MINDY2: variants seen among roughly 807,000 people sequenced by gnomAD.
MINDY2 encodes the protein MINDY lysine 48 deubiquitinase 2.
MINDY2 carries 52 observed loss-of-function variants against 68.2 expected under a neutral mutation model. The observed-to-expected ratio is 0.76, with a 90% confidence interval of 0.61 to 0.96. MINDY2 has a LOEUF of 0.96. Among genes scored for constraint, MINDY2 ranks in the 40% least tolerant of loss-of-function variants. The pLI is 0.00. For synonymous variants in MINDY2, 372 were observed against 303.0 expected (o/e 1.23, Z -2.36); for missense variants, 881 against 773.4 (o/e 1.14, Z -1.65).
rs1347712736 is a variant in MINDY2 at position 58,854,574 on chromosome 15, A to G, written c.1830A>G (p.Glu610=). Residue 610 remains glutamate, a synonymous_variant, in exon 9 of 9, where the codon GAA becomes GAG. Transcript: ENST00000559228. ...KRKEPREKDK[E]KEKEKNSCVI... ...AGGAACCACGAGAAAAAGATAAAGA[A>G]AAAGAAAAGGAAAAAAATAGCTGTG... The G allele has an allele frequency of 1.2e-6, 2 of 1,612,820 alleles. No individual in the cohort carries two copies. The highest frequency in any genetic ancestry group is 1.7e-5 in the Admixed American group (1 of 59,970).
intron 1 of MINDY2, among the ~76,000 whole-genome samples, chr15:58,786,457 G>C (rs1462282621): frequency 6.6e-6 from 1 of 152,162 alleles, no homozygotes; most frequent in Admixed American, 6.5e-5. Context: ...ATCATTGACT[G>C]TAATATCCAT....
At chr15:58,792,286 G>A (rs1901993533) in intron 2 of MINDY2, among the ~76,000 whole-genome samples, 1 of 152,194 alleles carries the variant, frequency 6.6e-6, no homozygotes. Context: ...CCCAAGAGAA[G>A]TGAAAACGTA....
At chr15:58,806,247 T>A (rs994116944) in intron 3 of MINDY2, among the ~76,000 whole-genome samples, 4 of 152,272 alleles carry the variant, frequency 2.6e-5, no homozygotes, top group South Asian at 4.2e-4. Flanking sequence ...CTAATTTTTT[T>A]ATTTTTAGTA....
chr15:58,819,575 C>T (rs1368787125), intron 4 of MINDY2, among the ~76,000 whole-genome samples: 3 of 152,094 alleles, frequency 2.0e-5, no homozygotes, highest in Non-Finnish European at 4.4e-5. Flanking sequence ...CTTGAACTCC[C>T]GGCCTCAAGA....
chr15:58,772,357 T>G, intron 1 of MINDY2, 122 bp downstream of exon 1: 2 of 1,414,748 alleles, frequency 1.4e-6, no homozygotes, highest in Middle Eastern at 3.8e-4. Flanking sequence ...CCTTCTTACA[T>G]GAAATTCATT....
At chr15:58,793,839 T>A (rs1902095925) in intron 2 of MINDY2, among the ~76,000 whole-genome samples, 1 of 151,730 alleles carries the variant, frequency 6.6e-6, no homozygotes, top group African/African-American at 2.4e-5. Context: ...TTGTTGAAAG[T>A]AAGAGGGAAG....
intron 6 of MINDY2, among the ~76,000 whole-genome samples, chr15:58,840,628 C>A (rs1362085456): frequency 1.4e-5 from 2 of 139,266 alleles, no homozygotes; most frequent in East Asian, 2.1e-4. Flanking sequence ...TATTTATTTA[C>A]TTATTATTAT....
At position 58,851,793 on chromosome 15, in the gene MINDY2, TACA is replaced by T. The variant is rs1322360682; in HGVS notation, c.1570_1572del (p.Gln524del). ...TAGGATTATCTTATGGCATTATCTCTACAACAAGAACAGCAGAGCCAAGAGATC... is the reference window on the plus strand; with the variant it reads ...TAGGATTATCTTATGGCATTATCTCTACAAGAACAGCAGAGCCAAGAGATC... On this transcript the variant is annotated inframe_deletion, in exon 8 of 9. Coordinates refer to ENST00000559228, the MANE Select transcript of MINDY2 (RefSeq NM_001040450.3). 1.9e-6 allele frequency: 3 copies of T among 1,591,624 alleles called. No individual in the cohort carries two copies.
At chr15:58,821,321 T>G (rs893567818) in intron 4 of MINDY2, among the ~76,000 whole-genome samples, 11 of 151,590 alleles carry the variant, frequency 7.3e-5, no homozygotes, top group Non-Finnish European at 1.5e-4. Flanking sequence ...CAACATTTGT[T>G]TTTTAGTTAA....
chr15:58,830,606 C>A (rs764056368), intron 5 of MINDY2, among the ~76,000 whole-genome samples: 2 of 152,136 alleles, frequency 1.3e-5, no homozygotes, highest in Admixed American at 6.6e-5. Flanking sequence ...CATGCCTGAA[C>A]GAAACCTATC....
chr15:58,802,292 A>G lies in MINDY2; in HGVS notation c.899-21A>G, dbSNP rs543878795. On this transcript the variant is annotated intron_variant, in intron 2 of 8. Transcript: ENST00000559228. ...CAAGTTTTTAAAAGGCAATTTTACA[A>G]TTCTTTTTTTTTTTTTACAGGAGAT... is the stretch of plus-strand genomic sequence containing the variant. 90 of 1,453,386 alleles carry G rather than the reference A, an allele frequency of 6.2e-5. No homozygotes were observed. In the South Asian group the frequency reaches 6.5e-4, roughly 11 times the overall value. 90.0% of individuals were successfully genotyped at this position (1,453,386 alleles called of 1,614,324 possible).
At chr15:58,847,166 GT>G in intron 6 of MINDY2, 130 bp from the exon 7 acceptor site, 2 of 648,758 alleles carry the variant, frequency 3.1e-6, no homozygotes, top group Non-Finnish European at 4.8e-6. Flanking sequence ...TATTTATTGT[GT>G]TGTACAGATC....
chr15:58,776,483 T>C (rs1900781004), intron 1 of MINDY2, among the ~76,000 whole-genome samples: 1 of 152,154 alleles, frequency 6.6e-6, no homozygotes, highest in Non-Finnish European at 1.5e-5. Flanking sequence ...AATGTCATGA[T>C]AGTATTCAGG....
rs766525674 is a variant in MINDY2 at position 58,810,249 on chromosome 15, C to T, written c.983C>T (p.Ala328Val). 2 of 1,608,564 alleles carry T rather than the reference C, an allele frequency of 1.2e-6. No homozygotes were observed. The highest frequency in any genetic ancestry group is 1.7e-6 in the Non-Finnish European group (2 of 1,178,510). Reference protein sequence around the residue: ...NYEQNMSDAMAILHKLQTGLD... With the variant: ...NYEQNMSDAMVILHKLQTGLD... ...TTTCAGAATATGAGTGATGCCATGG[C>T]AATTTTGCACAAACTACAGACAGGC... The change falls in exon 4 of 9, where the codon GCA becomes GTA. Residue 328 changes from alanine (A) to valine (V), a missense_variant. By Grantham distance (64) the Ala-to-Val change is moderately conservative (BLOSUM62 0). Transcript: ENST00000559228.
chr15:58,828,575 C>CTTTTTTTTT (rs1163905877), intron 5 of MINDY2, among the ~76,000 whole-genome samples: 1 of 106,140 alleles, frequency 9.4e-6, no homozygotes, highest in African/African-American at 3.8e-5. Flanking sequence ...TATTGAATTT[C>CTTTTTTTTT]TTTTTTTTTT....
chr15:58,838,371 C>T (rs2032106427), intron 6 of MINDY2, among the ~76,000 whole-genome samples: 1 of 151,852 alleles, frequency 6.6e-6, no homozygotes, highest in African/African-American at 2.4e-5. Flanking sequence ...GCACTCCAGC[C>T]TGGGTGACAG....
intron 3 of MINDY2, among the ~76,000 whole-genome samples, chr15:58,806,217 G>T (rs1238384258): frequency 6.6e-6 from 1 of 151,336 alleles, no homozygotes; most frequent in Non-Finnish European, 1.5e-5. Flanking sequence ...GGGATTACAG[G>T]CATGTGCCAC....
intron 6 of MINDY2, among the ~76,000 whole-genome samples, chr15:58,842,355 AGTTTAG>A (rs2032325373): frequency 6.6e-6 from 1 of 152,146 alleles, no homozygotes; most frequent in South Asian, 2.1e-4. Flanking sequence ...AGTGAAAAGT[AGTTTAG>A]AAGGAGGTAC....
chr15:58,858,629 G>C lies in MINDY2; in HGVS notation c.*4019G>C, dbSNP rs978758387. 6.6e-6 allele frequency: 1 copy of C among 152,078 alleles called. No individual in the cohort carries two copies. The highest frequency in any genetic ancestry group is 1.5e-5 in the Non-Finnish European group (1 of 67,964). The allele number at this position is 152,078 out of a possible 1,614,324, so 9.4% of individuals were successfully genotyped here. ...GTCCTCAAATAGCTCATTTATTTAAGTTTTGTTAAAAAGCAAAAGCGAATT... is the reference window on the plus strand; with the variant it reads ...GTCCTCAAATAGCTCATTTATTTAACTTTTGTTAAAAAGCAAAAGCGAATT... On this transcript the variant is annotated 3_prime_UTR_variant, in exon 9 of 9. Transcript: ENST00000559228.
Sources: allele counts gnomAD v4.1 joint callset (sites outside exome capture counted in the v4.1 genomes callset), GRCh38; gene constraint gnomAD v4.1.1; transcripts MANE v1.5; gene names NCBI Gene and HGNC (gene_info 2026-07-23, HGNC 2026-07-21).